The following TMPRSS11E variants were observed in gnomAD, a reference collection of about 807,000 sequenced individuals.
TMPRSS11E encodes the protein transmembrane serine protease 11E, also known as transmembrane protease serine 11E.
TMPRSS11E carries 38 observed loss-of-function variants against 48.1 expected under a neutral mutation model. The observed-to-expected ratio is 0.79, with a 90% confidence interval of 0.61 to 1.04. The LOEUF (loss-of-function observed/expected upper bound fraction) is 1.04. Ranked by LOEUF, TMPRSS11E falls within the 50% of genes least tolerant of loss-of-function variation. The pLI is 0.00. For missense variants in TMPRSS11E, 530 were observed against 510.8 expected, an observed-to-expected ratio of 1.04 and a Z score of -0.36; for synonymous variants, 158 against 171.9, an observed-to-expected ratio of 0.92 and a Z score of 0.63.
At chr4:68,490,909 C>T (rs1729699727) in intron 9 of TMPRSS11E, among the ~76,000 whole-genome samples, 1 of 151,898 alleles carries the variant, frequency 6.6e-6, no homozygotes, top group African/African-American at 2.4e-5. Flanking sequence ...AAGGCATGTG[C>T]CACGACACCT....
intron 4 of TMPRSS11E, among the ~76,000 whole-genome samples, chr4:68,469,795 C>T (rs538296486): frequency 6.6e-6 from 1 of 151,898 alleles, no homozygotes; most frequent in Non-Finnish European, 1.5e-5. Context: ...ATACACATCC[C>T]CATGTGGAAG....
At chr4:68,463,101 T>C (rs1404086939) in intron 2 of TMPRSS11E, among the ~76,000 whole-genome samples, 1 of 152,190 alleles carries the variant, frequency 6.6e-6, no homozygotes, top group Non-Finnish European at 1.5e-5. Flanking sequence ...TTCTTTCCAG[T>C]AACGAGAAAG....
chr4:68,457,597 CGT>C (rs1560547122), intron 1 of TMPRSS11E, among the ~76,000 whole-genome samples: 1 of 152,032 alleles, frequency 6.6e-6, no homozygotes, highest in African/African-American at 2.4e-5. Flanking sequence ...CACATGCACA[CGT>C]ATGTTTATTG....
chr4:68,448,469 A>G (rs978496861), intron 1 of TMPRSS11E, among the ~76,000 whole-genome samples: 2 of 151,982 alleles, frequency 1.3e-5, no homozygotes, highest in African/African-American at 2.4e-5. Flanking sequence ...TTTACAACCA[A>G]TGATGGTTTT....
At chr4:68,491,910 C>G (rs1031801572) in intron 9 of TMPRSS11E, among the ~76,000 whole-genome samples, 4 of 152,152 alleles carry the variant, frequency 2.6e-5, no homozygotes, top group African/African-American at 9.7e-5. Context: ...TCATTTAATT[C>G]CCTGTTGGCA....
In TMPRSS11E at chr4:68,496,968, G is replaced by T. The variant is rs1729889260; in HGVS notation, c.*164G>T. ...TGTATTTTCTTCCCAGCTCTGTTCC[G>T]CACATAAGCATCCTGCTTCTGCCAG... is the stretch of plus-strand genomic sequence containing the variant. On this transcript the variant is annotated 3_prime_UTR_variant, in exon 10 of 10. Transcript: ENST00000305363. 2 of 687,022 alleles carry T rather than the reference G, an allele frequency of 2.9e-6. No homozygotes were observed. Among genetic ancestry groups the T allele is most frequent in the African/African-American group, 1.8e-5 (1 of 55,062 alleles). 42.6% of individuals were successfully genotyped at this position (687,022 alleles called of 1,614,324 possible).
At position 68,474,820 on chromosome 4, in the gene TMPRSS11E, G is replaced by T. The variant is rs182438139; in HGVS notation, c.529+59G>T. On this transcript the variant is annotated intron_variant, in intron 6 of 9. Transcript: ENST00000305363. The stretch of plus-strand genomic sequence containing the variant: ...CTGAAGGTAAAAAGCTAACACTATA[G>T]GTCATTTAGGTTTACTTTGTGTTGA... The T allele has an allele frequency of 1.2e-5, 16 of 1,389,088 alleles. No individual in the cohort carries two copies. In the East Asian group the frequency reaches 3.8e-4, roughly 33 times the overall value. The allele number at this position is 1,389,088 out of a possible 1,614,324, so 86.0% of individuals were successfully genotyped here. A position where few individuals can be genotyped will look rare whatever the true frequency, so the allele number is the denominator to read the frequency against.
At chr4:68,468,791 T>G in intron 3 of TMPRSS11E, 88 bp from the exon 4 acceptor site, 1 of 1,035,100 alleles carries the variant, frequency 9.7e-7, no homozygotes, top group Non-Finnish European at 1.5e-6. Flanking sequence ...TCTGTTTTGT[T>G]TTTTAATTTT....
chr4:68,496,841 T>C lies in TMPRSS11E; in HGVS notation c.*37T>C. ...CTCATGGAACAGATAACATTTTTTT[T>C]TGTTTTTTGGGTGTGGAGGCCATTT... On this transcript the variant is annotated 3_prime_UTR_variant, in exon 10 of 10. Coordinates refer to ENST00000305363, the MANE Select transcript of TMPRSS11E (RefSeq NM_014058.4). 1 of 1,569,630 alleles carries C rather than the reference T, an allele frequency of 6.4e-7. No individual in the cohort carries two copies. Among genetic ancestry groups the C allele is most frequent in the East Asian group, 2.3e-5 (1 of 44,272 alleles).
In TMPRSS11E at chr4:68,476,310, T is replaced by C. The variant is rs2109696682; in HGVS notation, c.579T>C (p.Val193=). The C allele has an allele frequency of 1.2e-6, 2 of 1,614,148 alleles. No homozygotes were observed. The highest frequency in any genetic ancestry group is 1.7e-6 in the Non-Finnish European group (2 of 1,179,988). The change falls in exon 7 of 10, where the codon GTT becomes GTC. Residue 193 remains valine, a synonymous_variant. Coordinates refer to ENST00000305363, the MANE Select transcript of TMPRSS11E (RefSeq NM_014058.4). ...SKTLGQSLRI[V]GGTEVEEGEW... ...CTCTAGGTCAGAGTCTCAGGATCGT[T>C]GGTGGGACAGAAGTAGAAGAGGGTG...
intron 1 of TMPRSS11E, among the ~76,000 whole-genome samples, chr4:68,460,684 A>G (rs1262906772): frequency 2.6e-5 from 4 of 152,184 alleles, no homozygotes; most frequent in African/African-American, 7.2e-5. Context: ...TATCATATTC[A>G]AACTCCTTAG....
chr4:68,478,616 G>A (rs898889550), intron 8 of TMPRSS11E, among the ~76,000 whole-genome samples: 2 of 150,824 alleles, frequency 1.3e-5, no homozygotes, highest in Non-Finnish European at 3.0e-5. Context: ...CACCACCCCC[G>A]GCTAATTTTT....
intron 6 of TMPRSS11E, among the ~76,000 whole-genome samples, chr4:68,475,935 G>A (rs531627576): frequency 2.6e-5 from 4 of 152,260 alleles, no homozygotes; most frequent in African/African-American, 9.6e-5. Context: ...GAGTGTGTTT[G>A]TTATACACAT....
chr4:68,452,558 G>A (rs1360173632), intron 1 of TMPRSS11E, among the ~76,000 whole-genome samples: 3 of 151,934 alleles, frequency 2.0e-5, no homozygotes, highest in Admixed American at 2.0e-4. Context: ...GACTGGTAGA[G>A]CTGGAATCTG....
intron 6 of TMPRSS11E, among the ~76,000 whole-genome samples, chr4:68,475,372 T>G (rs1283176746): frequency 6.6e-6 from 1 of 151,172 alleles, no homozygotes; most frequent in East Asian, 1.9e-4. Context: ...ATACATTCAA[T>G]AGTTATGGGG....
chr4:68,462,542 C>A (rs753944979), intron 2 of TMPRSS11E, among the ~76,000 whole-genome samples: 1 of 151,500 alleles, frequency 6.6e-6, no homozygotes, highest in Non-Finnish European at 1.5e-5. Flanking sequence ...GAGATCACAC[C>A]GCTGCACTCC....
chr4:68,468,795 T>C (rs1728988032), intron 3 of TMPRSS11E, 84 bp from the exon 4 acceptor site: 2 of 1,076,826 alleles, frequency 1.9e-6, no homozygotes, highest in Admixed American at 1.8e-5. Context: ...TTTTGTTTTT[T>C]AATTTTCTAA....
chr4:68,477,723 G>C, intron 8 of TMPRSS11E, 95 bp downstream of exon 8: 1 of 1,469,376 alleles, frequency 6.8e-7, no homozygotes, highest in South Asian at 1.3e-5. Context: ...TGTTAGTTGT[G>C]TGGTCATATG....
intron 1 of TMPRSS11E, among the ~76,000 whole-genome samples, chr4:68,458,940 G>A (rs183587335): frequency 2.6e-5 from 4 of 151,924 alleles, no homozygotes; most frequent in Admixed American, 6.6e-5. Flanking sequence ...GTACCAAACC[G>A]CCTTCTCATT....
Sources: gnomAD v4.1 joint callset for allele counts (sites outside exome capture counted in the v4.1 genomes callset) on GRCh38, gnomAD v4.1.1 for gene constraint, MANE v1.5 for transcripts, NCBI Gene and HGNC (gene_info 2026-07-23, HGNC 2026-07-21) for gene names.